Variants in HHLA2 observed in about 807,000 individuals in gnomAD.
HHLA2 encodes HERV-H LTR-associating protein 2.
Under a neutral mutation model 45.9 loss-of-function variants are expected in HHLA2, and 48 were observed. The observed-to-expected ratio is 1.05, with a 90% CI of 0.83 to 1.33. The LOEUF is 1.33. HHLA2 is among the 40% of genes most tolerant of loss of function. The pLI is 0.00. For missense variants in HHLA2, 462 were observed against 494.3 expected (o/e 0.93, Z 0.62); for synonymous variants, 161 against 173.9 (o/e 0.93, Z 0.59).
In HHLA2 at chr3:108,354,274, C is replaced by T. The variant is rs527324227; in HGVS notation, c.418+494C>T. Among the ~76,000 whole-genome samples the T allele has an allele frequency of 2.6e-5, 4 of 151,980 alleles. No homozygotes were observed. In the South Asian group the frequency reaches 8.3e-4, roughly 32 times the overall value. Reference sequence around the variant, plus strand: ...TATATATAACACTATACCTATATAACTATAAGCCATTAATATAGTTAATAC... The same window carrying T: ...TATATATAACACTATACCTATATAATTATAAGCCATTAATATAGTTAATAC... On this transcript the variant is annotated intron_variant, in intron 5 of 10. Transcript: ENST00000619531.
chr3:108,318,013 CTG>C (rs1432566688), intron 2 of HHLA2, among the ~76,000 whole-genome samples: 1 of 151,902 alleles, frequency 6.6e-6, no homozygotes, highest in East Asian at 2.0e-4. Flanking sequence ...GAAACCCTGT[CTG>C]TACTAAAAAT....
At chr3:108,300,904 AT>A (rs1324984077) in intron 1 of HHLA2, among the ~76,000 whole-genome samples, 1 of 152,204 alleles carries the variant, frequency 6.6e-6, no homozygotes, top group East Asian at 1.9e-4. Flanking sequence ...ATTGAGAGTA[AT>A]CAAAAATGAC....
chr3:108,372,556 A>C (rs1291242683), intron 8 of HHLA2, among the ~76,000 whole-genome samples: 1 of 151,462 alleles, frequency 6.6e-6, no homozygotes, highest in East Asian at 1.9e-4. Context: ...TTTTGAAAAG[A>C]TCAACAAAAT....
At chr3:108,367,324 C>A (rs1222252992) in intron 8 of HHLA2, among the ~76,000 whole-genome samples, 1 of 152,064 alleles carries the variant, frequency 6.6e-6, no homozygotes, top group Non-Finnish European at 1.5e-5. Flanking sequence ...AACTCCTCTC[C>A]AGCAAGAGCA....
chr3:108,337,083 G>A (rs184748278), intron 3 of HHLA2, among the ~76,000 whole-genome samples: 2 of 152,272 alleles, frequency 1.3e-5, no homozygotes, highest in East Asian at 1.9e-4. Flanking sequence ...TGGGGGGTCT[G>A]CAGACTGATG....
At chr3:108,353,840 G>C (rs1423736045) in intron 5 of HHLA2, 60 bp downstream of exon 4, 2 of 1,324,744 alleles carry the variant, frequency 1.5e-6, no homozygotes, top group Middle Eastern at 1.9e-4. Context: ...TTATTAGTAA[G>C]CGTCTTTTTC....
At chr3:108,371,743 T>C (rs2082177406) in intron 8 of HHLA2, among the ~76,000 whole-genome samples, 1 of 152,170 alleles carries the variant, frequency 6.6e-6, no homozygotes, top group Admixed American at 6.5e-5. Flanking sequence ...CGTTACATAA[T>C]GGTAAAGGGA....
chr3:108,343,327 G>A (rs191289594), intron 3 of HHLA2, among the ~76,000 whole-genome samples: 1 of 152,242 alleles, frequency 6.6e-6, no homozygotes, highest in East Asian at 1.9e-4. Flanking sequence ...AAACTCACTG[G>A]TACAAAGCCA....
intron 3 of HHLA2, among the ~76,000 whole-genome samples, chr3:108,350,269 G>A (rs1993440): frequency 1 from 152,052 of 152,312 alleles, 75,896 homozygotes; most frequent in Middle Eastern, 1. Context: ...AGAAATAAAA[G>A]CAATTGGACT....
At chr3:108,377,580 A>G (rs2082296460) in exon 11 of HHLA2, 4 of 302,136 alleles carry the variant, frequency 1.3e-5, no homozygotes, top group East Asian at 1.1e-4. Context: ...CCAGGAGGTT[A>G]CAGTGAGCTC....
chr3:108,332,116 C>A (rs2081396145), intron 3 of HHLA2, among the ~76,000 whole-genome samples: 1 of 152,134 alleles, frequency 6.6e-6, no homozygotes, highest in African/African-American at 2.4e-5. Flanking sequence ...AAAAGGTAAG[C>A]TGGAGCCAAC....
intron 1 of HHLA2, among the ~76,000 whole-genome samples, chr3:108,301,480 C>G (rs2080847519): frequency 6.6e-6 from 1 of 152,050 alleles, no homozygotes; most frequent in Non-Finnish European, 1.5e-5. Flanking sequence ...TTCTTACAGT[C>G]TTTTTTATTA....
intron 2 of HHLA2, among the ~76,000 whole-genome samples, chr3:108,327,749 G>A (rs1441510920): frequency 1.3e-5 from 2 of 152,136 alleles, no homozygotes; most frequent in African/African-American, 2.4e-5. Context: ...CATCTGAAGT[G>A]CATGCGAGTT....
intron 2 of HHLA2, among the ~76,000 whole-genome samples, chr3:108,320,708 G>A (rs182050642): frequency 1.2e-3 from 177 of 152,182 alleles, no homozygotes; most frequent in Middle Eastern, 3.4e-3. Flanking sequence ...TATGGTCACC[G>A]CTGTTAGGTA....
chr3:108,369,973 C>T (rs1322312761), intron 8 of HHLA2, among the ~76,000 whole-genome samples: 1 of 152,174 alleles, frequency 6.6e-6, no homozygotes, highest in Admixed American at 6.5e-5. Context: ...AGTAGTTCTC[C>T]CAGCACGCAG....
intron 3 of HHLA2, among the ~76,000 whole-genome samples, chr3:108,338,447 A>G (rs1002465228): frequency 2.6e-4 from 39 of 151,988 alleles, no homozygotes; most frequent in Non-Finnish European, 8.8e-5. Context: ...CCAAGTTATG[A>G]GGACATGCTT....
intron 8 of HHLA2, among the ~76,000 whole-genome samples, chr3:108,365,266 T>C (rs1344826743): frequency 1.3e-5 from 2 of 152,220 alleles, no homozygotes; most frequent in Non-Finnish European, 2.9e-5. Context: ...CCTTTCCCCA[T>C]TGCTTGTTTT....
At chr3:108,346,883 G>A (rs914417686) in intron 3 of HHLA2, among the ~76,000 whole-genome samples, 13 of 152,128 alleles carry the variant, frequency 8.5e-5, no homozygotes, top group Non-Finnish European at 1.3e-4. Flanking sequence ...TTCTGTTTTC[G>A]CTATTTTATG....
chr3:108,348,815 C>G (rs2081720129), intron 3 of HHLA2, among the ~76,000 whole-genome samples: 1 of 150,308 alleles, frequency 6.7e-6, no homozygotes, highest in Non-Finnish European at 1.5e-5. Flanking sequence ...CACCCCCTGA[C>G]AGGCCCCGGT....
Sources: gnomAD v4.1 joint callset for allele counts (sites outside exome capture counted in the v4.1 genomes callset) on GRCh38, gnomAD v4.1.1 for gene constraint, MANE v1.5 for transcripts, NCBI Gene and HGNC (gene_info 2026-07-23, HGNC 2026-07-21) for gene names.